Variants in STPG2 observed in about 807,000 individuals in gnomAD.
STPG2 encodes the protein sperm-tail PG-rich repeat-containing protein 2.
In STPG2, 56 loss-of-function variants were observed where a neutral mutation model predicts 54.2. The ratio of observed to expected loss-of-function variants is 1.03; its 90% confidence interval spans 0.83 to 1.29. STPG2 has a LOEUF of 1.29. Among genes scored for constraint, STPG2 ranks in the 50% most tolerant of loss-of-function variants. The pLI is 0.00. For synonymous variants in STPG2, 200 were observed against 181.8 expected (o/e 1.10, Z -0.81); for missense variants, 596 against 544.9 (o/e 1.09, Z -0.93).
intron 9 of STPG2, among the ~76,000 whole-genome samples, chr4:97,824,763 G>T (rs961047622): frequency 1.2e-4 from 18 of 152,212 alleles, no homozygotes; most frequent in Admixed American, 1.2e-3. Context: ...TCTGGGAAGA[G>T]CATTGGAAAC....
chr4:97,837,738 T>C (rs928178169), intron 9 of STPG2, among the ~76,000 whole-genome samples: 6 of 151,560 alleles, frequency 4.0e-5, no homozygotes, highest in Admixed American at 6.6e-5. Context: ...TCCAAAAAAC[T>C]TTACTTATAA....
At chr4:97,729,565 A>AT (rs1724733508) in intron 9 of STPG2, among the ~76,000 whole-genome samples, 1 of 152,184 alleles carries the variant, frequency 6.6e-6, no homozygotes, top group South Asian at 2.1e-4. Flanking sequence ...CAGACTCTGA[A>AT]TTTTGAGGGA....
intron 10 of STPG2, among the ~76,000 whole-genome samples, chr4:97,616,048 ATACATATAAATATATATATATATATAT>A (rs1733855775): frequency 1.1e-5 from 1 of 91,892 alleles, no homozygotes; most frequent in African/African-American, 4.2e-5. Context: ...AAAAAAAAAA[ATACATATAAATATATATATATATATAT>A]ATATATATAT....
At chr4:97,469,111 G>A (rs1193317808) in intron 4 of STPG2, among the ~76,000 whole-genome samples, 2 of 152,034 alleles carry the variant, frequency 1.3e-5, no homozygotes, top group Non-Finnish European at 2.9e-5. Flanking sequence ...TCACATATCT[G>A]GAAGCATTTT....
chr4:97,846,839 A>C (rs1350175932), intron 8 of STPG2, among the ~76,000 whole-genome samples: 1 of 152,118 alleles, frequency 6.6e-6, no homozygotes, highest in Non-Finnish European at 1.5e-5. Context: ...TTAAGCCAGA[A>C]CTACTTCCTC....
chr4:97,886,098 T>G (rs1730558919), intron 8 of STPG2, among the ~76,000 whole-genome samples: 1 of 152,164 alleles, frequency 6.6e-6, no homozygotes, highest in East Asian at 1.9e-4. Flanking sequence ...ATACTAATAC[T>G]TATAATTCAA....
Position 98,001,573 on chromosome 4 carries a change from G to T in STPG2, c.613-20255C>A, listed in dbSNP as rs181800532. Among the ~76,000 whole-genome samples the T allele has an allele frequency of 9.9e-5, 15 of 151,988 alleles. No homozygotes were observed. The East Asian group carries it at 2.9e-3, about 29-fold the overall frequency. ...ACATCCAAATGAAATAATGTTAAGG[G>T]TTATAAATCTCAAATGAAGCTAAAG... On this transcript the variant is annotated intron_variant, in intron 5 of 10. Transcript: ENST00000295268.
intron 5 of STPG2, among the ~76,000 whole-genome samples, chr4:98,019,706 G>C (rs538753372): frequency 1.2e-4 from 15 of 128,084 alleles, no homozygotes; most frequent in Non-Finnish European, 1.7e-5. Flanking sequence ...GCAGTGGTTT[G>C]TAGTTCTCCT....
chr4:97,883,127 G>A (rs1578652722), intron 8 of STPG2, among the ~76,000 whole-genome samples: 1 of 151,442 alleles, frequency 6.6e-6, no homozygotes, highest in Non-Finnish European at 1.5e-5. Context: ...AGACTAGCAT[G>A]GGCAACATAG....
At chr4:97,932,411 T>C (rs1732584662) in intron 8 of STPG2, among the ~76,000 whole-genome samples, 1 of 152,290 alleles carries the variant, frequency 6.6e-6, no homozygotes, top group East Asian at 1.9e-4. Flanking sequence ...ACATGCTAGT[T>C]TGTCACATAG....
chr4:97,873,987 T>C (rs1730085912), intron 8 of STPG2, among the ~76,000 whole-genome samples: 1 of 151,584 alleles, frequency 6.6e-6, no homozygotes, highest in Non-Finnish European at 1.5e-5. Context: ...ATTTTTTCTC[T>C]AATTATGTAA....
rs373049652 is a variant in STPG2 at position 97,944,023 on chromosome 4, G to A, written c.934-16C>T. The A allele has an allele frequency of 1.0e-4, 153 of 1,501,940 alleles. No individual in the cohort carries two copies. The highest frequency in any genetic ancestry group is 1.4e-4 in the Non-Finnish European group (150 of 1,082,146). 93.0% of individuals were successfully genotyped at this position (1,501,940 alleles called of 1,614,324 possible). On this transcript the variant is annotated splice_polypyrimidine_tract_variant and intron_variant, in intron 7 of 10. Transcript: ENST00000295268. ...GCCAAAATTCCTGTTGAAAGAAGGGGTTAAAAAGAGTACATCATTTATTTT... is the reference window on the plus strand; with the variant it reads ...GCCAAAATTCCTGTTGAAAGAAGGGATTAAAAAGAGTACATCATTTATTTT...
At chr4:97,969,495 C>T (rs1209842595) in intron 7 of STPG2, among the ~76,000 whole-genome samples, 1 of 152,096 alleles carries the variant, frequency 6.6e-6, no homozygotes, top group Non-Finnish European at 1.5e-5. Flanking sequence ...AAGGCAGTGA[C>T]CCCCCTGGAC....
At chr4:97,544,340 T>C (rs1052748542) in intron 4 of STPG2, among the ~76,000 whole-genome samples, 1 of 152,032 alleles carries the variant, frequency 6.6e-6, no homozygotes, top group Non-Finnish European at 1.5e-5. Flanking sequence ...ATAGTGTTTA[T>C]TGTGGGATTT....
At chr4:97,686,966 A>AGT (rs1230009116) in intron 10 of STPG2, among the ~76,000 whole-genome samples, 2 of 148,844 alleles carry the variant, frequency 1.3e-5, no homozygotes, top group African/African-American at 5.0e-5. Context: ...AGAGAGAGTG[A>AGT]GTCTCGCTCT....
At position 97,741,806 on chromosome 4, in the gene STPG2, C is replaced by A. The variant is rs879599547; in HGVS notation, c.1205-28992G>T. On this transcript the variant is annotated intron_variant, in intron 9 of 10. Transcript: ENST00000295268. ...TCAACCATTGTGGAAGTCAGTGTGG[C>A]GATTCCTCAGGGATCTAGAACTAGA... 1.3e-5 allele frequency among the ~76,000 whole-genome samples: 2 copies of A among 151,808 alleles called. 1 individual carries two copies. The highest frequency in any genetic ancestry group is 4.2e-4 in the South Asian group (2 of 4,808).
chr4:97,462,533 A>C (rs933081824), intron 4 of STPG2, among the ~76,000 whole-genome samples: 1 of 152,068 alleles, frequency 6.6e-6, no homozygotes, highest in African/African-American at 2.4e-5. Context: ...TGAATGTATA[A>C]TCATAATACC....
chr4:97,941,272 GA>G (rs1037833860), intron 8 of STPG2, among the ~76,000 whole-genome samples: 18 of 149,962 alleles, frequency 1.2e-4, no homozygotes, highest in South Asian at 4.2e-4. Context: ...TTCTGAAAAT[GA>G]AAAAAAAAGT....
At chr4:97,908,378 A>T (rs1731532933) in intron 8 of STPG2, among the ~76,000 whole-genome samples, 1 of 150,746 alleles carries the variant, frequency 6.6e-6, no homozygotes, top group Non-Finnish European at 1.5e-5. Context: ...GGTGCTGGAG[A>T]GGATGTGGAG....
Sources: allele counts gnomAD v4.1 joint callset (sites outside exome capture counted in the v4.1 genomes callset), GRCh38; gene constraint gnomAD v4.1.1; transcripts MANE v1.5; gene names NCBI Gene and HGNC (gene_info 2026-07-23, HGNC 2026-07-21).